Variants in PCDH11Y observed in about 807,000 individuals in gnomAD.
PCDH11Y encodes the protein protocadherin-11 Y-linked.
For synonymous variants in PCDH11Y, 9 were observed against 83.6 expected (o/e 0.11, Z 4.87); for missense variants, 12 against 224.8 (o/e 0.05, Z 6.05).
chrY:5,014,093 AT>A (rs2052557162), intron 1 of PCDH11Y, among the ~76,000 whole-genome samples: 1 of 27,420 alleles, frequency 3.6e-5, no homozygotes, highest in African/African-American at 1.4e-4. Flanking sequence ...ACTCTGGCAG[AT>A]TTTTTTTCAT....
At chrY:5,377,811 C>T in intron 2 of PCDH11Y, among the ~76,000 whole-genome samples, 1 of 33,118 alleles carries the variant, frequency 3.0e-5, no homozygotes, top group East Asian at 8.0e-4. Flanking sequence ...AGTGCAGTGG[C>T]GTGATCTCGG....
chrY:5,464,502 C>A, intron 2 of PCDH11Y, among the ~76,000 whole-genome samples: 11 of 31,585 alleles, frequency 3.5e-4, no homozygotes, highest in Admixed American at 3.3e-3. Context: ...TGTTCAGATT[C>A]TTTTGCCTCC....
At chrY:5,713,731 G>T in intron 4 of PCDH11Y, among the ~76,000 whole-genome samples, 1 of 30,855 alleles carries the variant, frequency 3.2e-5, no homozygotes, top group African/African-American at 1.3e-4. Context: ...TTGAATGCAG[G>T]TTTGTGATAA....
At chrY:5,329,178 T>A (rs1437951792) in intron 2 of PCDH11Y, among the ~76,000 whole-genome samples, 10 of 32,183 alleles carry the variant, frequency 3.1e-4, no homozygotes, top group Non-Finnish European at 5.3e-4. Flanking sequence ...TTGAAGAGGT[T>A]TTAAGTTCTT....
intron 2 of PCDH11Y, among the ~76,000 whole-genome samples, chrY:5,475,427 T>A: frequency 3.0e-5 from 1 of 33,114 alleles, no homozygotes; most frequent in African/African-American, 1.2e-4. Flanking sequence ...TCCATTGATA[T>A]GATGAGGTAT....
intron 2 of PCDH11Y, among the ~76,000 whole-genome samples, chrY:5,358,902 G>A (rs1602911132): frequency 2.6e-4 from 8 of 31,207 alleles, no homozygotes; most frequent in African/African-American, 5.0e-4. Flanking sequence ...AGGATGGGAG[G>A]CAGGTTTGCC....
intron 2 of PCDH11Y, among the ~76,000 whole-genome samples, chrY:5,337,277 A>G: frequency 3.1e-5 from 1 of 32,251 alleles, no homozygotes; most frequent in African/African-American, 1.2e-4. Context: ...CCTGAGTCCT[A>G]ATTATAATTA....
intron 3 of PCDH11Y, among the ~76,000 whole-genome samples, chrY:5,542,883 G>A: frequency 2.9e-5 from 1 of 34,131 alleles, no homozygotes; most frequent in Admixed American, 2.7e-4. Context: ...ACCTTGTTGA[G>A]AATTGCTGCC....
intron 2 of PCDH11Y, among the ~76,000 whole-genome samples, chrY:5,240,732 GTGC>G: frequency 3.7e-5 from 1 of 26,779 alleles, no homozygotes; most frequent in Non-Finnish European, 8.1e-5. Context: ...GTAAACAGAT[GTGC>G]TGTCATCCAG....
chrY:5,626,059 T>C, intron 4 of PCDH11Y, among the ~76,000 whole-genome samples: 1 of 31,069 alleles, frequency 3.2e-5, no homozygotes, highest in African/African-American at 1.2e-4. Context: ...TTGTTAGGCT[T>C]TTCATTACTG....
intron 2 of PCDH11Y, among the ~76,000 whole-genome samples, chrY:5,342,202 GA>G: frequency 3.1e-5 from 1 of 32,176 alleles, no homozygotes; most frequent in Non-Finnish European, 7.5e-5. Context: ...ATACAGGAAG[GA>G]AAAAAAATGC....
chrY:5,528,262 CA>C (rs2053389878), intron 3 of PCDH11Y, among the ~76,000 whole-genome samples: 1 of 32,806 alleles, frequency 3.0e-5, no homozygotes, highest in Non-Finnish European at 7.6e-5. Context: ...CTTTCCTAGA[CA>C]ATTTCAGCTT....
chrY:5,028,501 T>C, intron 1 of PCDH11Y, among the ~76,000 whole-genome samples: 1 of 32,422 alleles, frequency 3.1e-5, no homozygotes. Context: ...TTGGACACAG[T>C]GGCTGAAAGC....
chrY:5,336,417 C>G (rs2053137232), intron 2 of PCDH11Y, among the ~76,000 whole-genome samples: 1 of 30,539 alleles, frequency 3.3e-5, no homozygotes, highest in Non-Finnish European at 7.8e-5. Context: ...ACTACAGGCG[C>G]CTGCCACCTC....
chrY:5,190,237 T>C, intron 2 of PCDH11Y, among the ~76,000 whole-genome samples: 3 of 33,438 alleles, frequency 9.0e-5, no homozygotes, highest in Non-Finnish European at 2.2e-4. Flanking sequence ...AGGGAACAAT[T>C]AAGGGACTTG....
intron 2 of PCDH11Y, among the ~76,000 whole-genome samples, chrY:5,197,260 C>G (rs2052919756): frequency 3.2e-5 from 1 of 31,098 alleles, no homozygotes; most frequent in Non-Finnish European, 7.7e-5. Flanking sequence ...GCTTGTTTTT[C>G]TCAGGTTTGT....
At chrY:5,050,854 T>TAC (rs1416079495) in intron 3 of PCDH11Y, among the ~76,000 whole-genome samples, 25 of 30,099 alleles carry the variant, frequency 8.3e-4, no homozygotes, top group East Asian at 3.5e-3. Flanking sequence ...ATATATATAT[T>TAC]ACACACACAC....
chrY:5,182,154 ACAGT>A, intron 2 of PCDH11Y, among the ~76,000 whole-genome samples: 1 of 32,705 alleles, frequency 3.1e-5, no homozygotes, highest in Non-Finnish European at 7.5e-5. Context: ...TTTCCTTTTG[ACAGT>A]CAGGCTACTT....
intron 2 of PCDH11Y, among the ~76,000 whole-genome samples, chrY:5,187,300 A>T: frequency 3.0e-5 from 1 of 33,156 alleles, no homozygotes; most frequent in African/African-American, 1.2e-4. Flanking sequence ...GCAATACCCC[A>T]GTGGAGACTC....
Sources: gnomAD v4.1 joint callset for allele counts (sites outside exome capture counted in the v4.1 genomes callset) on GRCh38, gnomAD v4.1.1 for gene constraint, MANE v1.5 for transcripts, NCBI Gene and HGNC (gene_info 2026-07-23, HGNC 2026-07-21) for gene names.